The following GSK3B variants were observed in gnomAD, a reference collection of about 807,000 sequenced individuals.
GSK3B encodes the protein glycogen synthase kinase-3 beta.
GSK3B carries 15 observed loss-of-function variants against 56.4 expected under a neutral mutation model. The observed-to-expected ratio is 0.27, with a 90% CI of 0.18 to 0.41. The LOEUF (loss-of-function observed/expected upper bound fraction) is 0.41, where lower values mean the gene tolerates loss of function less well. Ranked by LOEUF, GSK3B falls within the 10% of genes least tolerant of loss-of-function variation. GSK3B has a pLI of 1.00. For synonymous variants in GSK3B, 181 were observed against 188.9 expected (o/e 0.96, Z 0.34); for missense variants, 300 against 513.4 (o/e 0.58, Z 4.02).
chr3:119,862,219 T>C (rs1654617149), intron 9 of GSK3B, among the ~76,000 whole-genome samples: 1 of 148,222 alleles, frequency 6.7e-6, no homozygotes, highest in South Asian at 2.2e-4. Flanking sequence ...TTCATATCCT[T>C]TGTAGGGACA....
At chr3:120,011,156 A>C (rs189373531) in intron 1 of GSK3B, among the ~76,000 whole-genome samples, 3 of 152,280 alleles carry the variant, frequency 2.0e-5, no homozygotes, top group African/African-American at 7.2e-5. Flanking sequence ...TCCAACCAAA[A>C]ATTATGTTTT....
At chr3:120,082,161 T>G (rs2058425079) in intron 1 of GSK3B, among the ~76,000 whole-genome samples, 1 of 152,110 alleles carries the variant, frequency 6.6e-6, no homozygotes, top group Non-Finnish European at 1.5e-5. Flanking sequence ...GTAACAATTT[T>G]CAACCTCTTT....
At position 120,086,352 on chromosome 3, in the gene GSK3B, G is replaced by A. The variant is rs1429362507; in HGVS notation, c.88+6995C>T. 3.3e-5 allele frequency among the ~76,000 whole-genome samples: 5 copies of A among 152,198 alleles called. No individual in the cohort carries two copies. In the East Asian group the frequency reaches 7.7e-4, roughly 23 times the overall value. On this transcript the variant is annotated intron_variant, in intron 1 of 10. Transcript: ENST00000264235. ...CTTTAGTACCTTTATCCATACTGCT[G>A]AAATCCAACTAGAAGATGGTGAATC...
chr3:120,093,488 G>T lies in GSK3B; in HGVS notation c.-54C>A. On this transcript the variant is annotated 5_prime_UTR_variant, in exon 1 of 11. Coordinates refer to ENST00000264235, the MANE Select transcript of GSK3B (RefSeq NM_001146156.2). ...CTTCCTTCCTCCTTTTCTTCCTTTT[G>T]TCTTTATGTTGGGGTGTTAGGTTAA... The T allele has an allele frequency of 1.7e-6, 2 of 1,182,298 alleles. No individual in the cohort carries two copies. The highest frequency in any genetic ancestry group is 1.2e-5 in the South Asian group (1 of 82,232). 73.2% of individuals were successfully genotyped at this position (1,182,298 alleles called of 1,614,324 possible).
Position 119,876,473 on chromosome 3 carries a change from T to C in GSK3B, c.849A>G (p.Glu283=), listed in dbSNP as rs1225824395. 13 of 1,609,078 alleles carry C rather than the reference T, an allele frequency of 8.1e-6. No individual in the cohort carries two copies. In the Admixed American group the frequency reaches 2.2e-4, roughly 27 times the overall value. The stretch of plus-strand genomic sequence containing the variant: ...TAAATTCTGTGTAGTTTGGGTTCAT[T>C]TCTCTGATTTGCTCCCTTGTTGGAG... The part of the protein sequence containing the change: ...LGTPTREQIR[E]MNPNYTEFKF... Residue 283 remains glutamate (E), a synonymous_variant, in exon 8 of 11, where the codon GAA becomes GAG. Transcript: ENST00000264235.
intron 7 of GSK3B, among the ~76,000 whole-genome samples, chr3:119,888,234 T>A (rs1370128852): frequency 6.6e-6 from 1 of 152,154 alleles, no homozygotes; most frequent in Non-Finnish European, 1.5e-5. Flanking sequence ...TAAAGCAAAG[T>A]AACAACTGTT....
chr3:120,088,265 A>G (rs1183953751), intron 1 of GSK3B, among the ~76,000 whole-genome samples: 1 of 150,334 alleles, frequency 6.7e-6, no homozygotes, highest in East Asian at 1.9e-4. Context: ...ATAATTTACT[A>G]AAAATGTCCA....
chr3:119,893,645 T>TC (rs1164308860), intron 7 of GSK3B, among the ~76,000 whole-genome samples: 4 of 151,908 alleles, frequency 2.6e-5, no homozygotes, highest in South Asian at 2.1e-4. Context: ...TAAAGGAGGG[T>TC]CCCCCCGTGT....
chr3:119,843,761 T>C (rs2055813554), intron 9 of GSK3B, among the ~76,000 whole-genome samples: 2 of 152,180 alleles, frequency 1.3e-5, no homozygotes, highest in South Asian at 2.1e-4. Context: ...ATTACACAGA[T>C]CAACGAAACA....
At chr3:120,011,887 A>G (rs2107498530) in intron 1 of GSK3B, among the ~76,000 whole-genome samples, 1 of 152,238 alleles carries the variant, frequency 6.6e-6, no homozygotes, top group East Asian at 1.9e-4. Flanking sequence ...ATAAAGCTTT[A>G]GGTAGCAGAA....
At chr3:119,919,847 G>GAC (rs150749634) in intron 4 of GSK3B, among the ~76,000 whole-genome samples, 4,218 of 148,534 alleles carry the variant, frequency 0.028, 160 homozygotes, top group African/African-American at 0.088. Context: ...TAAAGAAGGT[G>GAC]ACACACACAC....
At chr3:119,902,438 C>G (rs1259509804) in intron 7 of GSK3B, among the ~76,000 whole-genome samples, 1 of 152,050 alleles carries the variant, frequency 6.6e-6, no homozygotes, top group African/African-American at 2.4e-5. Context: ...TCTGACTCTG[C>G]CGCCCAGGCT....
In GSK3B at chr3:120,093,609, C is replaced by T; in HGVS notation, c.-175G>A. On this transcript the variant is annotated 5_prime_UTR_variant, in exon 1 of 11. Transcript: ENST00000264235. ...CTTTTGTATACTATAAAAAACAAAA[C>T]AAGCGATATATTTCTCCTTCAAGAC... 1.9e-6 allele frequency: 1 copy of T among 534,522 alleles called. No homozygotes were observed. Among genetic ancestry groups the T allele is most frequent in the South Asian group, 2.7e-5 (1 of 36,728 alleles). The allele number at this position is 534,522 out of a possible 1,614,324, so 33.1% of individuals were successfully genotyped here. A position where few individuals can be genotyped will look rare whatever the true frequency, so the allele number is the denominator to read the frequency against.
intron 10 of GSK3B, among the ~76,000 whole-genome samples, chr3:119,827,608 A>AT (rs56254723): frequency 0.54 from 51,469 of 95,136 alleles, 13,130 homozygotes; most frequent in Admixed American, 0.61. Flanking sequence ...AAAAAAAAAA[A>AT]AGAGAGAGAG....
rs959140101 is a variant in GSK3B, at chr3:119,976,783, A to G, written c.282+25263T>C. On this transcript the variant is annotated intron_variant, in intron 2 of 10. Coordinates refer to ENST00000264235, the MANE Select transcript of GSK3B (RefSeq NM_001146156.2). ...CTCCCCACAAAAAAAAAAAAAAAAAAAATAGAAAGGTTTTAGTGAAACTAG... is the reference window on the plus strand; with the variant it reads ...CTCCCCACAAAAAAAAAAAAAAAAAGAATAGAAAGGTTTTAGTGAAACTAG... Among the ~76,000 whole-genome samples, 496 of 150,846 alleles carry G rather than the reference A, an allele frequency of 3.3e-3. 4 individuals carry two copies. Among genetic ancestry groups the G allele is most frequent in the African/African-American group, 0.012 (471 of 40,498 alleles).
intron 1 of GSK3B, among the ~76,000 whole-genome samples, chr3:120,074,023 G>A (rs1342064746): frequency 6.6e-6 from 1 of 152,146 alleles, no homozygotes; most frequent in African/African-American, 2.4e-5. Context: ...AAAAACAGTT[G>A]GCCAGGTGCC....
chr3:120,001,858 T>A (rs1180814086), intron 2 of GSK3B, among the ~76,000 whole-genome samples, 188 bp downstream of exon 2: 1 of 152,194 alleles, frequency 6.6e-6, no homozygotes, highest in Admixed American at 6.5e-5. Flanking sequence ...AAAGTAATAC[T>A]GCAATCTTCA....
intron 1 of GSK3B, among the ~76,000 whole-genome samples, chr3:120,009,437 T>C (rs2057759981): frequency 6.6e-6 from 1 of 152,174 alleles, no homozygotes; most frequent in African/African-American, 2.4e-5. Flanking sequence ...CCAACCCAAA[T>C]GTCCATCAGT....
chr3:120,042,716 T>C (rs1016269351), intron 1 of GSK3B, among the ~76,000 whole-genome samples: 1 of 152,202 alleles, frequency 6.6e-6, no homozygotes, highest in Admixed American at 6.5e-5. Flanking sequence ...ACAGCTCATA[T>C]CATTAAAAAG....
Sources: allele counts gnomAD v4.1 joint callset (sites outside exome capture counted in the v4.1 genomes callset), GRCh38; gene constraint gnomAD v4.1.1; transcripts MANE v1.5; gene names NCBI Gene and HGNC (gene_info 2026-07-23, HGNC 2026-07-21).